Variants in ACCS observed in about 807,000 individuals in gnomAD.
The protein encoded by ACCS is 1-aminocyclopropane-1-carboxylate synthase homolog (inactive), also known as 1-aminocyclopropane-1-carboxylate synthase-like protein 1.
ACCS carries 42 observed loss-of-function variants against 59.8 expected under a neutral mutation model. That is an observed-to-expected ratio of 0.70 (90% CI 0.55 to 0.91). ACCS has a LOEUF of 0.91. Ranked by LOEUF, ACCS falls within the 40% of genes least tolerant of loss-of-function variation. ACCS has a pLI of 0.00. For synonymous variants in ACCS, 230 were observed against 240.3 expected (o/e 0.96, Z 0.40); for missense variants, 602 against 630.4 (o/e 0.95, Z 0.48).
At chr11:44,080,777 T>A (rs1395383636) in intron 10 of ACCS, 2 of 572,802 alleles carry the variant, frequency 3.5e-6, no homozygotes, top group Non-Finnish European at 6.2e-6. Context: ...AGATCATGGC[T>A]GTGTTCTCAT....
intron 10 of ACCS, 164 bp from the exon 11 acceptor site, chr11:44,080,856 G>C (rs1053633189): frequency 3.8e-6 from 3 of 796,830 alleles, no homozygotes; most frequent in Non-Finnish European, 6.0e-6. Flanking sequence ...GCTAACCCCT[G>C]CTCTAAAGGA....
At chr11:44,075,752 G>A in intron 6 of ACCS, 160 bp downstream of exon 6, 1 of 783,784 alleles carries the variant, frequency 1.3e-6, no homozygotes, top group Non-Finnish European at 2.0e-6. Context: ...AGCACCCGGG[G>A]GTCAGCAGTT....
At chr11:44,069,633 G>A (rs1952956614) in intron 2 of ACCS, among the ~76,000 whole-genome samples, 1 of 152,208 alleles carries the variant, frequency 6.6e-6, no homozygotes, top group African/African-American at 2.4e-5. Context: ...GGGATTGGGT[G>A]GGAGGCTCTA....
chr11:44,083,799 C>G lies in ACCS; in HGVS notation c.*7C>G, dbSNP rs1376054730. The G allele has an allele frequency of 6.3e-7, 1 of 1,598,016 alleles. No homozygotes were observed. Among genetic ancestry groups the G allele is most frequent in the East Asian group, 2.3e-5 (1 of 43,972 alleles). On this transcript the variant is annotated 3_prime_UTR_variant, in exon 15 of 15. Transcript: ENST00000263776. ...AAGTGACCAACGCAGGTGAGCTGGT[C>G]ATTGTCTCGTGGCCAGAGGGCCCAG...
chr11:44,078,478 G>T, intron 8 of ACCS: 1 of 493,188 alleles, frequency 2.0e-6, no homozygotes, highest in Non-Finnish European at 3.6e-6. Flanking sequence ...TGGTATTTGG[G>T]TATATTTTTT....
chr11:44,077,321 A>G lies in ACCS; in HGVS notation c.599A>G (p.Gln200Arg). The G allele has an allele frequency of 6.2e-7, 1 of 1,614,148 alleles. No individual in the cohort carries two copies. ...IPTPYYGAIT[Q>R]HVCLYGNIRL... ...ACCCCTTACTATGGCGCTATCACAC[A>G]GCACGTGTGTCTCTATGGCAACATC... Residue 200 changes from glutamine (Q) to arginine (R), a missense_variant, in exon 7 of 15, where the codon CAG (glutamine) becomes CGG (arginine). Transcript: ENST00000263776.
chr11:44,066,732 T>TA (rs1590444328), intron 1 of ACCS, 31 bp downstream of exon 1: 5 of 152,356 alleles, frequency 3.3e-5, no homozygotes, highest in African/African-American at 1.2e-4. Flanking sequence ...CCAGCCAATT[T>TA]AAAGAGTACC....
intron 12 of ACCS, 104 bp from the exon 13 acceptor site, chr11:44,083,065 G>A: frequency 2.0e-6 from 3 of 1,470,438 alleles, no homozygotes; most frequent in African/African-American, 1.4e-5. Context: ...GGACTCAACA[G>A]CATCCTGGCA....
At chr11:44,076,338 C>T (rs535975385) in intron 6 of ACCS, among the ~76,000 whole-genome samples, 2 of 152,270 alleles carry the variant, frequency 1.3e-5, no homozygotes, top group Admixed American at 1.3e-4. Flanking sequence ...CAGGGATTAG[C>T]CTAAGGCTTT....
At chr11:44,073,640 A>T in intron 4 of ACCS, 123 bp downstream of exon 4, 1 of 945,766 alleles carries the variant, frequency 1.1e-6, no homozygotes, top group Non-Finnish European at 1.6e-6. Flanking sequence ...GAGGTCAGGG[A>T]TGCTGCCTAA....
chr11:44,069,847 C>A (rs1488483397), intron 2 of ACCS, among the ~76,000 whole-genome samples: 1 of 152,212 alleles, frequency 6.6e-6, no homozygotes, highest in Admixed American at 6.5e-5. Flanking sequence ...TCACATCTGC[C>A]TATTCTGTTA....
chr11:44,078,170 A>G, intron 8 of ACCS: 1 of 518,190 alleles, frequency 1.9e-6, no homozygotes. Flanking sequence ...ATCACTAAAG[A>G]TACCCCCATC....
intron 6 of ACCS, among the ~76,000 whole-genome samples, chr11:44,076,805 G>A (rs879721310): frequency 2.0e-4 from 31 of 152,226 alleles, no homozygotes; most frequent in Non-Finnish European, 3.2e-4. Context: ...AAGGAAAGAG[G>A]TTTAATGGAT....
chr11:44,067,314 A>G (rs111260114), intron 1 of ACCS: 68 of 260,378 alleles, frequency 2.6e-4, no homozygotes, highest in African/African-American at 1.2e-3. Context: ...AGGGTGGAAA[A>G]AGAATGTTGA....
In ACCS at chr11:44,083,156, T is replaced by C. The variant is rs200678128; in HGVS notation, c.1112-13T>C. ...ATGGGATATTGATCTTCTGGCCTCT[T>C]TCACCCAAACAGACTGGATCAACCA... On this transcript the variant is annotated splice_polypyrimidine_tract_variant and intron_variant, in intron 12 of 14. Coordinates refer to ENST00000263776, the MANE Select transcript of ACCS (RefSeq NM_032592.4). The C allele has an allele frequency of 2.0e-6, 3 of 1,472,316 alleles. No homozygotes were observed. The highest frequency in any genetic ancestry group is 9.4e-7 in the Non-Finnish European group (1 of 1,065,766). The allele number at this position is 1,472,316 out of a possible 1,614,324, so 91.2% of individuals were successfully genotyped here.
At chr11:44,073,280 G>T in intron 3 of ACCS, 167 bp from the exon 4 acceptor site, 1 of 682,420 alleles carries the variant, frequency 1.5e-6, no homozygotes. Context: ...CACTTTTTTG[G>T]ACCTCAGTTT....
chr11:44,067,869 A>G lies in ACCS; in HGVS notation c.242A>G (p.Tyr81Cys), dbSNP rs779480692. 5 of 1,613,524 alleles carry G rather than the reference A, an allele frequency of 3.1e-6. No homozygotes were observed. In the Admixed American group the frequency reaches 6.7e-5, roughly 22 times the overall value. ...KWFWDSAEEG[Y>C]RTYHMDEYDE... ...TTCTGGGATTCAGCTGAGGAGGGCT[A>G]CAGGACCTACCACATGGATGAGTAT... is the stretch of plus-strand genomic sequence containing the variant. The change falls in exon 2 of 15, where the codon TAC (tyrosine) becomes TGC (cysteine). Residue 81 changes from tyrosine to cysteine, a missense_variant. Tyr to Cys is a radical substitution (Grantham distance 194). Coordinates refer to ENST00000263776, the MANE Select transcript of ACCS (RefSeq NM_032592.4).
At chr11:44,079,370 GA>G in intron 9 of ACCS, 160 bp from the exon 10 acceptor site, 1 of 611,412 alleles carries the variant, frequency 1.6e-6, no homozygotes, top group Non-Finnish European at 2.9e-6. Context: ...CTTTCTGTTT[GA>G]AAAAAACAGA....
Position 44,077,844 on chromosome 11 carries a change from G to C in ACCS, c.655-1G>C, listed in dbSNP as rs774532219. 1 of 1,613,140 alleles carries C rather than the reference G, an allele frequency of 6.2e-7. No homozygotes were observed. Among genetic ancestry groups the C allele is most frequent in the Admixed American group, 1.7e-5 (1 of 59,828 alleles). ...GGTGGCTCTGATGGGTCTTTTTCCA[G>C]GTCACTGGGCTAGACACACGCCCCT... is the stretch of plus-strand genomic sequence containing the variant. On this transcript the variant is annotated splice_acceptor_variant, in intron 7 of 14. Coordinates refer to ENST00000263776, the MANE Select transcript of ACCS (RefSeq NM_032592.4). LOFTEE classifies it high-confidence loss of function.
Sources: gnomAD v4.1 joint callset for allele counts (sites outside exome capture counted in the v4.1 genomes callset) on GRCh38, gnomAD v4.1.1 for gene constraint, MANE v1.5 for transcripts, NCBI Gene and HGNC (gene_info 2026-07-23, HGNC 2026-07-21) for gene names.